KCNMB3: variants seen among roughly 807,000 people sequenced by gnomAD.
KCNMB3 encodes the protein calcium-activated potassium channel subunit beta-3.
In KCNMB3, 18 loss-of-function variants were observed where a neutral mutation model predicts 11.9. The ratio of observed to expected loss-of-function variants is 1.51; its 90% CI spans 1.04 to 2.23. The LOEUF is 2.23. Ranked by LOEUF, KCNMB3 falls within the 30% of genes most tolerant of loss-of-function variation. KCNMB3 has a pLI of 0.00. For synonymous variants in KCNMB3, 78 were observed against 119.2 expected (o/e 0.65, Z 2.25); for missense variants, 247 against 329.4 (o/e 0.75, Z 1.94).
At chr3:179,266,767 G>A (rs548471295) in exon 1 of KCNMB3, 9 of 1,603,300 alleles carry the variant, frequency 5.6e-6, no homozygotes, top group African/African-American at 2.7e-5. Context: ...CCCTGCGGGC[G>A]CAAGAAAGGT....
chr3:179,241,092 C>T (rs1291578823), downstream of KCNMB3: 1 of 152,042 alleles, frequency 6.6e-6, no homozygotes, highest in African/African-American at 2.4e-5. Flanking sequence ...GCCTCTATAC[C>T]AGCTGTCCAG....
chr3:179,251,487 C>G, upstream of KCNMB3: 1 of 1,393,478 alleles, frequency 7.2e-7, no homozygotes, highest in South Asian at 1.8e-5. Context: ...CTTTGCTCCT[C>G]TCACCCTCCT....
chr3:179,265,629 T>C (rs1726351533), intron 1 of KCNMB3, among the ~76,000 whole-genome samples: 1 of 152,204 alleles, frequency 6.6e-6, no homozygotes, highest in South Asian at 2.1e-4. Flanking sequence ...AGCTAATTTT[T>C]GTATTTTTAG....
At chr3:179,256,710 A>T (rs1204258687) in intron 1 of KCNMB3, among the ~76,000 whole-genome samples, 1 of 152,166 alleles carries the variant, frequency 6.6e-6, no homozygotes, top group Admixed American at 6.5e-5. Flanking sequence ...AAAGAATGGA[A>T]GGGAAAAAAA....
At chr3:179,253,790 A>G (rs1725925410), upstream of KCNMB3, among the ~76,000 whole-genome samples, 1 of 151,970 alleles carries the variant, frequency 6.6e-6, no homozygotes, top group South Asian at 2.1e-4. Context: ...TGGGCGACAG[A>G]GTGAGACTCC....
In KCNMB3 at chr3:179,245,514, T is replaced by TG. The variant is rs11364967; in HGVS notation, c.249-822dup. ...AAGTGCTGTACTGAATTAATTTTTT[T>TG]GGGGGGGGGGATGGAGTTTCGCTCT... On this transcript the variant is annotated intron_variant, in intron 1 of 2. Coordinates refer to ENST00000392685, the MANE Select transcript of KCNMB3 (RefSeq NM_171830.2). Among the ~76,000 whole-genome samples, 335 of 147,612 alleles carry TG rather than the reference T, an allele frequency of 2.3e-3. 2 individuals are homozygous for TG. The highest frequency in any genetic ancestry group is 7.0e-3 in the Middle Eastern group (2 of 284).
upstream of KCNMB3, among the ~76,000 whole-genome samples, chr3:179,256,464 AAAT>A (rs1726015024): frequency 2.0e-5 from 3 of 152,098 alleles, no homozygotes; most frequent in Admixed American, 1.3e-4. Context: ...TAATTCTACA[AAAT>A]AATAATAATA....
intron 1 of KCNMB3, among the ~76,000 whole-genome samples, chr3:179,264,329 A>C (rs1332368962): frequency 6.6e-6 from 1 of 152,102 alleles, no homozygotes; most frequent in Non-Finnish European, 1.5e-5. Flanking sequence ...TCAGACCATA[A>C]ACAGCCTTGT....
intron 1 of KCNMB3, chr3:179,259,784 T>G (rs1183778194): frequency 1.9e-6 from 3 of 1,602,222 alleles, no homozygotes; most frequent in Non-Finnish European, 2.5e-6. Flanking sequence ...GGTCATTCTT[T>G]TCTTCATCTG....
At chr3:179,240,100 G>A, downstream of KCNMB3, 2 of 1,424,010 alleles carry the variant, frequency 1.4e-6, no homozygotes, top group Non-Finnish European at 9.6e-7. Context: ...ATTACTTTTT[G>A]TGTCCAAACA....
At chr3:179,261,754 A>C (rs1726224173) in intron 1 of KCNMB3, among the ~76,000 whole-genome samples, 1 of 152,220 alleles carries the variant, frequency 6.6e-6, no homozygotes, top group Non-Finnish European at 1.5e-5. Context: ...CCACACAATC[A>C]TGAGGGTAAA....
At chr3:179,258,906 G>A in intron 1 of KCNMB3, 1 of 1,604,902 alleles carries the variant, frequency 6.2e-7, no homozygotes. Flanking sequence ...CCTGGTGATT[G>A]GCATACAGTG....
chr3:179,266,125 A>G (rs1372116698), intron 1 of KCNMB3, among the ~76,000 whole-genome samples: 1 of 152,204 alleles, frequency 6.6e-6, no homozygotes, highest in Non-Finnish European at 1.5e-5. Context: ...AGATGAGGCA[A>G]ACAGAGAAGT....
upstream of KCNMB3, among the ~76,000 whole-genome samples, chr3:179,255,520 T>G (rs953283693): frequency 6.6e-6 from 1 of 152,092 alleles, no homozygotes; most frequent in Admixed American, 6.5e-5. Flanking sequence ...TCTGCAAAAA[T>G]AGCCAGAGTA....
At chr3:179,263,051 C>T (rs1008669879) in intron 1 of KCNMB3, among the ~76,000 whole-genome samples, 1 of 152,232 alleles carries the variant, frequency 6.6e-6, no homozygotes, top group Admixed American at 6.5e-5. Flanking sequence ...TGCGTGTGCC[C>T]GCACTCCTCA....
intron 1 of KCNMB3, chr3:179,258,823 T>C (rs1726105786): frequency 7.0e-7 from 1 of 1,418,718 alleles, no homozygotes; most frequent in East Asian, 2.3e-5. Flanking sequence ...TATGTCTTTC[T>C]AATCTGGGTG....
At chr3:179,245,585 C>T (rs545207265) in intron 1 of KCNMB3, among the ~76,000 whole-genome samples, 42 of 152,196 alleles carry the variant, frequency 2.8e-4, no homozygotes, top group East Asian at 9.7e-4. Flanking sequence ...CTGCAACCTC[C>T]GCCTTCTGGT....
intron 1 of KCNMB3, among the ~76,000 whole-genome samples, chr3:179,249,081 C>T (rs377089054): frequency 2.8e-5 from 4 of 143,620 alleles, no homozygotes; most frequent in East Asian, 4.2e-4. Flanking sequence ...GGCGCAATCT[C>T]GGCTCACTGC....
chr3:179,253,301 A>G (rs2108449160), upstream of KCNMB3, among the ~76,000 whole-genome samples: 1 of 152,318 alleles, frequency 6.6e-6, no homozygotes, highest in Middle Eastern at 3.4e-3. Flanking sequence ...TTATAATGGT[A>G]TGTTATAAAA....
Sources: allele counts gnomAD v4.1 joint callset (sites outside exome capture counted in the v4.1 genomes callset), GRCh38; gene constraint gnomAD v4.1.1; transcripts MANE v1.5; gene names NCBI Gene and HGNC (gene_info 2026-07-23, HGNC 2026-07-21).